The following SPMIP4 variants were observed in gnomAD, a reference collection of about 807,000 sequenced individuals.
The protein encoded by SPMIP4 is sperm-associated microtubule inner protein 4.
At chr7:25,154,862 T>G in the SPMIP4 span, 1 of 715,578 alleles carries the variant, frequency 1.4e-6, no homozygotes, top group Admixed American at 3.2e-5. Context: ...GCCAGCTGAT[T>G]TGTAAAGTCG....
At chr7:25,126,878 G>A in the SPMIP4 span, among the ~76,000 whole-genome samples, 9 of 152,288 alleles carry the variant, frequency 5.9e-5, no homozygotes, top group South Asian at 1.9e-3. Context: ...GTCTGGTGTT[G>A]ATGAAATCCC....
the SPMIP4 span, among the ~76,000 whole-genome samples, chr7:25,129,636 T>C: frequency 6.6e-6 from 1 of 152,136 alleles, no homozygotes; most frequent in African/African-American, 2.4e-5. Context: ...AAGGTTCTTT[T>C]TTGGGTGGAT....
the SPMIP4 span, among the ~76,000 whole-genome samples, chr7:25,157,282 T>C: frequency 6.6e-6 from 1 of 152,232 alleles, no homozygotes; most frequent in African/African-American, 2.4e-5. Context: ...ATCTCCCATG[T>C]AGAATGCCAA....
At chr7:25,132,100 G>C in the SPMIP4 span, among the ~76,000 whole-genome samples, 1 of 152,188 alleles carries the variant, frequency 6.6e-6, no homozygotes, top group Admixed American at 6.5e-5. This position sits in a 1 kb window ranked among gnomAD's most constrained non-coding sequence, Gnocchi z 5.0. Context: ...ACCCAAAGAG[G>C]GTAGCTGTTG....
At chr7:25,156,474 TA>T in the SPMIP4 span, among the ~76,000 whole-genome samples, 41 of 152,190 alleles carry the variant, frequency 2.7e-4, no homozygotes, top group African/African-American at 9.7e-4. Flanking sequence ...TGTCGTTTTT[TA>T]AAAAATAGAA....
the SPMIP4 span, among the ~76,000 whole-genome samples, chr7:25,141,532 A>T: frequency 7.2e-6 from 1 of 138,632 alleles, no homozygotes; most frequent in African/African-American, 2.8e-5. Context: ...AGATCGTGCC[A>T]CCGTACTCCA....
the SPMIP4 span, among the ~76,000 whole-genome samples, chr7:25,127,308 G>T: frequency 6.6e-6 from 1 of 151,924 alleles, no homozygotes; most frequent in African/African-American, 2.4e-5. Context: ...CCTCTTTATG[G>T]CCAGTAACTC....
chr7:25,151,292 G>A, the SPMIP4 span, among the ~76,000 whole-genome samples: 1 of 150,612 alleles, frequency 6.6e-6, no homozygotes, highest in Non-Finnish European at 1.5e-5. Flanking sequence ...CATGATCTTG[G>A]CTCACTGCAA....
At chr7:25,125,856 C>T in the SPMIP4 span, 1 of 956,334 alleles carries the variant, frequency 1.0e-6, no homozygotes, top group South Asian at 4.8e-5. Context: ...AGCTCGTGAC[C>T]TTGTTCTAGT....
chr7:25,163,864 AACTT>A, the SPMIP4 span, among the ~76,000 whole-genome samples: 1 of 152,206 alleles, frequency 6.6e-6, no homozygotes, highest in Non-Finnish European at 1.5e-5. The surrounding 1 kb of genome is among the most constrained non-coding windows in gnomAD (Gnocchi z 4.4). Context: ...ATCATCAGTA[AACTT>A]ACTAAATGTC....
At chr7:25,156,078 A>G in the SPMIP4 span, among the ~76,000 whole-genome samples, 1 of 152,226 alleles carries the variant, frequency 6.6e-6, no homozygotes, top group Non-Finnish European at 1.5e-5. Context: ...GTTATTCCAT[A>G]CTGGAGCAGG....
the SPMIP4 span, among the ~76,000 whole-genome samples, chr7:25,140,373 C>T: frequency 6.6e-6 from 1 of 152,182 alleles, no homozygotes; most frequent in Non-Finnish European, 1.5e-5. Context: ...ACAACCTTTG[C>T]TCACAGCAAC....
At chr7:25,142,670 A>C in the SPMIP4 span, 1 of 1,613,314 alleles carries the variant, frequency 6.2e-7, no homozygotes, top group Non-Finnish European at 8.5e-7. Context: ...GAAGTGAGCC[A>C]GTGGGACCTC....
At chr7:25,146,829 C>T in the SPMIP4 span, among the ~76,000 whole-genome samples, 1 of 125,000 alleles carries the variant, frequency 8.0e-6, no homozygotes, top group African/African-American at 2.7e-5. Context: ...GGCACTTGAC[C>T]TTTGTGATTA....
chr7:25,168,166 C>T, the SPMIP4 span: 2 of 800,736 alleles, frequency 2.5e-6, no homozygotes, highest in Non-Finnish European at 3.9e-6. Context: ...CATTCTGTGT[C>T]TTTTCATAAA....
chr7:25,150,124 G>A, the SPMIP4 span, among the ~76,000 whole-genome samples: 2 of 152,160 alleles, frequency 1.3e-5, no homozygotes, highest in South Asian at 4.1e-4. Context: ...AGATCCTGAG[G>A]GGTCTCTGCA....
At chr7:25,164,065 C>G in the SPMIP4 span, among the ~76,000 whole-genome samples, 4 of 152,070 alleles carry the variant, frequency 2.6e-5, no homozygotes, top group African/African-American at 9.7e-5. Flanking sequence ...TAAGTGTTGT[C>G]CTAAAGAGTG....
chr7:25,162,775 T>TTTAC, the SPMIP4 span, among the ~76,000 whole-genome samples: 1 of 152,070 alleles, frequency 6.6e-6, no homozygotes, highest in African/African-American at 2.4e-5. Flanking sequence ...TATTTATTTA[T>TTTAC]TTAAATTTTT....
chr7:25,177,847 T>C, the SPMIP4 span, among the ~76,000 whole-genome samples: 1 of 152,206 alleles, frequency 6.6e-6, no homozygotes, highest in South Asian at 2.1e-4. Flanking sequence ...CATATGCAGG[T>C]TCATTATACA....
Sources: gnomAD v4.1 joint callset for allele counts (sites outside exome capture counted in the v4.1 genomes callset) on GRCh38, gnomAD v4.1.1 for gene constraint, Gnocchi (gnomAD v3.1) non-coding constraint, MANE v1.5 for transcripts, NCBI Gene and HGNC (gene_info 2026-07-23, HGNC 2026-07-21) for gene names.